The following PSD variants were observed in gnomAD, a reference collection of about 807,000 sequenced individuals.
PSD encodes PH and SEC7 domain-containing protein 1.
A neutral mutation model predicts 91.6 loss-of-function variants in PSD; 32 were observed. The ratio of observed to expected loss-of-function variants is 0.35; its 90% CI spans 0.26 to 0.47. The LOEUF (loss-of-function observed/expected upper bound fraction) is 0.47, where lower values mean the gene tolerates loss of function less well. Among genes scored for constraint, PSD ranks in the 20% least tolerant of loss-of-function variants. PSD has a pLI of 1.00. For missense variants in PSD, 1,099 were observed against 1,373.9 expected (o/e 0.80, Z 3.16); for synonymous variants, 532 against 569.3 (o/e 0.93, Z 0.93).
chr10:102,410,782 C>A lies in PSD; in HGVS notation c.2091+76G>T. The A allele has an allele frequency of 8.7e-7, 1 of 1,155,378 alleles. No homozygotes were observed. The highest frequency in any genetic ancestry group is 1.3e-6 in the Non-Finnish European group (1 of 765,964). The allele number at this position is 1,155,378 out of a possible 1,614,324, so 71.6% of individuals were successfully genotyped here. ...GGCAAGCCCCAGCCCTGCCCTCCCT[C>A]CGACTCTGGACTCCGTCGCCGACTG... is the stretch of plus-strand genomic sequence containing the variant. On this transcript the variant is annotated intron_variant, in intron 10 of 16. Transcript: ENST00000020673. This position sits in a 1 kb window ranked among gnomAD's most constrained non-coding sequence, Gnocchi z 6.0.
rs2061350760 is a variant in PSD, at chr10:102,405,503, C to G, written c.2169G>C (p.Glu723Asp). ...TGACCTTGGGGTTGGGGTCGGCCAA[C>G]TCAGACAGAGAGCGTCTCAGCTCCT... ...DEEELRRSLS[E>D]LADPNPKVIK... The change falls in exon 12 of 17, where the codon GAG becomes GAC. Residue 723 changes from glutamate (E) to aspartate (D), a missense_variant. Around this residue, in one of 3 missense-constraint regions of PSD, gnomAD observed 358 missense variants for 426.5 expected, o/e 0.84. Coordinates refer to ENST00000020673, the MANE Select transcript of PSD (RefSeq NM_002779.5). The surrounding 1 kb of genome is among the most constrained non-coding windows in gnomAD (Gnocchi z 5.4). 6.2e-7 allele frequency: 1 copy of G among 1,613,806 alleles called. No individual in the cohort carries two copies.
chr10:102,415,093 C>G lies in PSD; in HGVS notation c.894G>C (p.Glu298Asp). 6.2e-7 allele frequency: 1 copy of G among 1,614,026 alleles called. No individual in the cohort carries two copies. ...LDTVPLRCYRETDIDEVLAER... is the reference protein window; with the variant it reads ...LDTVPLRCYRDTDIDEVLAER... ...CAGCCAGCACCTCATCGATGTCAGTCTCGCGGTAGCACCTCAGGGGCACCG... is the reference window on the plus strand; with the variant it reads ...CAGCCAGCACCTCATCGATGTCAGTGTCGCGGTAGCACCTCAGGGGCACCG... Residue 298 changes from glutamate (E) to aspartate (D), a missense_variant, in exon 4 of 17, where the codon GAG becomes GAC. Glu to Asp is a conservative substitution (Grantham distance 45). This residue lies in a region of PSD where 631 missense variants were observed against 728.8 expected (regional missense o/e 0.87). Transcript: ENST00000020673.
rs373380603 is a variant in PSD at position 102,415,270 on chromosome 10, G to A, written c.758-41C>T. The A allele has an allele frequency of 6.8e-5, 105 of 1,547,984 alleles. No homozygotes were observed. In the African/African-American group the frequency reaches 1.2e-3, roughly 18 times the overall value. On this transcript the variant is annotated intron_variant, in intron 3 of 16. Transcript: ENST00000020673. The stretch of plus-strand genomic sequence containing the variant: ...GCATCCAGGTCAGGAGGTTATCCAC[G>A]TCAGCTCCCTGTCCTAATTCTGCTC...
At position 102,409,024 on chromosome 10, in the gene PSD, G is replaced by C; in HGVS notation, c.2092-1758C>G. ...CCGCGCCGCGGTGGGTGCGCCCGTA[G>C]CGCACGGAGCACAGCGAGCGCGAGC... On this transcript the variant is annotated intron_variant, in intron 10 of 16. Transcript: ENST00000020673. This position sits in a 1 kb window ranked among gnomAD's most constrained non-coding sequence, Gnocchi z 5.7. The C allele has an allele frequency of 1.0e-6, 1 of 986,860 alleles. No individual in the cohort carries two copies. Among genetic ancestry groups the C allele is most frequent in the Non-Finnish European group, 1.2e-6 (1 of 830,092 alleles). The allele number at this position is 986,860 out of a possible 1,614,324, so 61.1% of individuals were successfully genotyped here. A position where few individuals can be genotyped will look rare whatever the true frequency, so the allele number is the denominator to read the frequency against.
intron 1 of PSD, among the ~76,000 whole-genome samples, chr10:102,418,388 G>A (rs1271688020): frequency 6.6e-6 from 1 of 152,078 alleles, no homozygotes; most frequent in African/African-American, 2.4e-5. Context: ...ACTGCTCACA[G>A]TCACATACAC....
In PSD at chr10:102,403,994, CA is replaced by C. The variant is rs748957300; in HGVS notation, c.2701-10del. 5.2e-5 allele frequency: 80 copies of C among 1,544,512 alleles called. 1 individual carries two copies. The highest frequency in any genetic ancestry group is 4.6e-4 in the East Asian group (19 of 41,288). ...GTCCGCACCTGCTCCTCCTAGCGGCCAGGGGGAGGCATGGTCATGGTCACTC... is the reference window on the plus strand; with the variant it reads ...GTCCGCACCTGCTCCTCCTAGCGGCCGGGGGAGGCATGGTCATGGTCACTC... On this transcript the variant is annotated splice_polypyrimidine_tract_variant and intron_variant, in intron 15 of 16. Coordinates refer to ENST00000020673, the MANE Select transcript of PSD (RefSeq NM_002779.5). The surrounding 1 kb of genome is among the most constrained non-coding windows in gnomAD (Gnocchi z 6.7).
rs1463189204 is a variant in PSD, at chr10:102,403,614, G to C, written c.2845-184C>G. 6.6e-6 allele frequency among the ~76,000 whole-genome samples: 1 copy of C among 152,186 alleles called. No individual in the cohort carries two copies. The highest frequency in any genetic ancestry group is 6.5e-5 in the Admixed American group (1 of 15,276). On this transcript the variant is annotated intron_variant, in intron 16 of 16. Transcript: ENST00000020673. This position sits in a 1 kb window ranked among gnomAD's most constrained non-coding sequence, Gnocchi z 6.7. ...CTGGGACCATCATCTATAACCTAAT[G>C]TGTCTTGAGCCTTTACTAGAGCTGG...
chr10:102,408,166 A>G (rs1193746739), intron 10 of PSD, among the ~76,000 whole-genome samples: 1 of 152,190 alleles, frequency 6.6e-6, no homozygotes, highest in East Asian at 1.9e-4. Flanking sequence ...GTGTGTCCCC[A>G]GCATGTGCAT....
intron 5 of PSD, among the ~76,000 whole-genome samples, chr10:102,413,097 G>A (rs1230250666): frequency 6.6e-6 from 1 of 152,108 alleles, no homozygotes; most frequent in East Asian, 1.9e-4. Flanking sequence ...CTGGAGTTAG[G>A]GGGTTAAGGG....
At position 102,416,532 on chromosome 10, in the gene PSD, G is replaced by T. The variant is rs1324289404; in HGVS notation, c.507C>A (p.Gly169=). The change falls in exon 2 of 17, where the codon GGC becomes GGA. Residue 169 remains glycine, a synonymous_variant. Transcript: ENST00000020673. This position sits in a 1 kb window ranked among gnomAD's most constrained non-coding sequence, Gnocchi z 6.0. ...LPARGGSALP[G]SRNLVHGPPA... Reference sequence around the variant, plus strand: ...GCGGCCCATGTACAAGGTTCCGGCTGCCAGGTAGGGCCGAGCCTCCTCTGG... The same window carrying T: ...GCGGCCCATGTACAAGGTTCCGGCTTCCAGGTAGGGCCGAGCCTCCTCTGG... 6.2e-7 allele frequency: 1 copy of T among 1,609,780 alleles called. No individual in the cohort carries two copies. The highest frequency in any genetic ancestry group is 1.7e-5 in the Admixed American group (1 of 59,478).
rs150754401 is a variant in PSD, at chr10:102,403,234, C to G, written c.3041G>C (p.Arg1014Pro). 5.7e-5 allele frequency: 91 copies of G among 1,590,646 alleles called. No homozygotes were observed. In the African/African-American group the frequency reaches 1.1e-3, roughly 19 times the overall value. ...CCGCCGCCCACTGCCTGCCCCTGGCCGAGGCTCTGAGCTGTGACGCTGAGC... is the reference window on the plus strand; with the variant it reads ...CCGCCGCCCACTGCCTGCCCCTGGCGGAGGCTCTGAGCTGTGACGCTGAGC... ...PRAQRHSSEP[R>P]PGAGSGRRKP The change falls in exon 17 of 17, where the codon CGG becomes CCG. Residue 1014 changes from arginine (R) to proline (P), a missense_variant. Around this residue, in one of 3 missense-constraint regions of PSD, gnomAD observed 358 missense variants for 426.5 expected, o/e 0.84. Coordinates refer to ENST00000020673, the MANE Select transcript of PSD (RefSeq NM_002779.5). The surrounding 1 kb of genome is among the most constrained non-coding windows in gnomAD (Gnocchi z 6.7).
Position 102,405,748 on chromosome 10 carries a change from G to A in PSD, c.2136-212C>T. ...AGGGCACCTCCCTCAGAGCTCCCCA[G>A]CCTAGAGCCACCACTGTCCCTTCCT... On this transcript the variant is annotated intron_variant, in intron 11 of 16. Transcript: ENST00000020673. This position sits in a 1 kb window ranked among gnomAD's most constrained non-coding sequence, Gnocchi z 5.4. 1.7e-6 allele frequency: 1 copy of A among 576,554 alleles called. No individual in the cohort carries two copies. The highest frequency in any genetic ancestry group is 1.9e-5 in the African/African-American group (1 of 53,660). 35.7% of individuals were successfully genotyped at this position (576,554 alleles called of 1,614,324 possible).
At position 102,405,099 on chromosome 10, in the gene PSD, C is replaced by A; in HGVS notation, c.2398-44G>T. The A allele has an allele frequency of 6.2e-7, 1 of 1,611,012 alleles. No homozygotes were observed. Among genetic ancestry groups the A allele is most frequent in the Non-Finnish European group, 8.5e-7 (1 of 1,178,566 alleles). ...TGTCCTGGCCCCAAATGCAGCCTGG[C>A]CCAGCCCCTCCTATTCCCACCCATC... On this transcript the variant is annotated intron_variant, in intron 13 of 16. Coordinates refer to ENST00000020673, the MANE Select transcript of PSD (RefSeq NM_002779.5). This position sits in a 1 kb window ranked among gnomAD's most constrained non-coding sequence, Gnocchi z 5.4.
rs1257488649 is a variant in PSD, at chr10:102,405,680, T to C, written c.2136-144A>G. 12 of 732,304 alleles carry C rather than the reference T, an allele frequency of 1.6e-5. No homozygotes were observed. Among genetic ancestry groups the C allele is most frequent in the Non-Finnish European group, 2.4e-5 (11 of 455,116 alleles). The allele number at this position is 732,304 out of a possible 1,614,324, so 45.4% of individuals were successfully genotyped here. A position where few individuals can be genotyped will look rare whatever the true frequency, so the allele number is the denominator to read the frequency against. ...TGAGGGTCCTGCCATGTCTCCCGTC[T>C]CAGATCAGGCCTCCACAATGTGTAG... On this transcript the variant is annotated intron_variant, in intron 11 of 16. Coordinates refer to ENST00000020673, the MANE Select transcript of PSD (RefSeq NM_002779.5). The surrounding 1 kb of genome is among the most constrained non-coding windows in gnomAD (Gnocchi z 5.4).
Position 102,413,979 on chromosome 10 carries a change from G to T in PSD, c.1343C>A (p.Pro448His), listed in dbSNP as rs1401272573. 6.2e-7 allele frequency: 1 copy of T among 1,613,852 alleles called. No individual in the cohort carries two copies. Among genetic ancestry groups the T allele is most frequent in the Non-Finnish European group, 8.5e-7 (1 of 1,179,872 alleles). Residue 448 changes from proline (P) to histidine (H), a missense_variant, in exon 5 of 17, where the codon CCC becomes CAC. Pro to His is a moderately conservative substitution (Grantham distance 77, BLOSUM62 -2). Coordinates refer to ENST00000020673, the MANE Select transcript of PSD (RefSeq NM_002779.5). Reference protein sequence around the residue: ...PFFTFELPPQPPAPRPDPPAP... With the variant: ...PFFTFELPPQHPAPRPDPPAP... ...TGGTGGGTCGGGCCGGGGTGCAGGGGGTTGGGGAGGCAGCTCAAAGGTGAA... is the reference window on the plus strand; with the variant it reads ...TGGTGGGTCGGGCCGGGGTGCAGGGTGTTGGGGAGGCAGCTCAAAGGTGAA...
upstream of PSD, chr10:102,419,177 G>A: frequency 4.5e-6 from 1 of 219,892 alleles, no homozygotes; most frequent in Non-Finnish European, 9.5e-6. The surrounding 1 kb of genome is among the most constrained non-coding windows in gnomAD (Gnocchi z 4.8). Context: ...CGAGCACGCG[G>A]CCGCGCCAAG....
chr10:102,418,823 C>G (rs1365816439), upstream of PSD: 10 of 413,474 alleles, frequency 2.4e-5, no homozygotes, highest in African/African-American at 2.2e-4. Context: ...CTCCCCCTAC[C>G]CCCTACGCGC....
Position 102,417,002 on chromosome 10 carries a change from C to T in PSD, c.37G>A (p.Asp13Asn), listed in dbSNP as rs1299759320. The change falls in exon 2 of 17, where the codon GAC becomes AAC. Residue 13 changes from aspartate (D) to asparagine (N), a missense_variant. Transcript: ENST00000020673. Reference sequence around the variant, plus strand: ...CATCGTGGTGGGGAGATGGCACAGTCGCCTTCCGAGCAGAAGCGCATGGCA... The same window carrying T: ...CATCGTGGTGGGGAGATGGCACAGTTGCCTTCCGAGCAGAAGCGCATGGCA... Reference protein sequence around the residue: ...QGAMRFCSEGDCAISPPRCPR... With the variant: ...QGAMRFCSEGNCAISPPRCPR... 5 of 1,590,858 alleles carry T rather than the reference C, an allele frequency of 3.1e-6. No homozygotes were observed. The highest frequency in any genetic ancestry group is 1.7e-5 in the Admixed American group (1 of 58,430).
At chr10:102,418,272 A>C (rs1003639715) in intron 1 of PSD, among the ~76,000 whole-genome samples, 2 of 152,024 alleles carry the variant, frequency 1.3e-5, no homozygotes, top group Non-Finnish European at 2.9e-5. Flanking sequence ...TTACACACAC[A>C]CCATCATCAA....
Sources: allele counts gnomAD v4.1 joint callset (sites outside exome capture counted in the v4.1 genomes callset), GRCh38; gene constraint gnomAD v4.1.1; regional missense constraint gnomAD v4.1.1; non-coding constraint Gnocchi (gnomAD v3.1); transcripts MANE v1.5; gene names NCBI Gene and HGNC (gene_info 2026-07-23, HGNC 2026-07-21).